Variants in SMC3 observed in about 807,000 individuals in gnomAD.
The protein encoded by SMC3 is structural maintenance of chromosomes protein 3.
In SMC3, 20 loss-of-function variants were observed where a neutral mutation model predicts 171.8. The ratio of observed to expected loss-of-function variants is 0.12; its 90% CI spans 0.08 to 0.17. The LOEUF is 0.17. Ranked by LOEUF, SMC3 falls within the 10% of genes least tolerant of loss-of-function variation. The pLI is 1.00. For missense variants in SMC3, 543 were observed against 1,420.4 expected, an observed-to-expected ratio of 0.38 and a Z score of 9.93; for synonymous variants, 464 against 451.1, an observed-to-expected ratio of 1.03 and a Z score of -0.36.
At chr10:110,585,782 T>TAGGGACAA (rs1861104265) in intron 13 of SMC3, among the ~76,000 whole-genome samples, 1 of 151,718 alleles carries the variant, frequency 6.6e-6, no homozygotes, top group African/African-American at 2.4e-5. Flanking sequence ...TTGTATATTA[T>TAGGGACAA]ATATAATTAT....
At chr10:110,591,644 A>C (rs1861206214) in intron 17 of SMC3, among the ~76,000 whole-genome samples, 1 of 152,200 alleles carries the variant, frequency 6.6e-6, no homozygotes, top group Admixed American at 6.5e-5. Flanking sequence ...AGTGCACTTT[A>C]GGTGGATTAA....
intron 2 of SMC3, among the ~76,000 whole-genome samples, chr10:110,569,983 ATTAG>A (rs1180332754): frequency 6.6e-6 from 1 of 152,264 alleles, no homozygotes; most frequent in Non-Finnish European, 1.5e-5. Context: ...TAAGTGGTGT[ATTAG>A]TTTGCTAAGG....
intron 2 of SMC3, among the ~76,000 whole-genome samples, chr10:110,573,461 G>T (rs991116922): frequency 2.0e-5 from 3 of 152,146 alleles, no homozygotes; most frequent in African/African-American, 7.2e-5. Context: ...AAACTATTGG[G>T]TAAGAGCAAA....
chr10:110,568,044 C>T (rs1860802293), intron 1 of SMC3, among the ~76,000 whole-genome samples: 1 of 152,192 alleles, frequency 6.6e-6, no homozygotes, highest in South Asian at 2.1e-4. Context: ...CAGCCCCGGC[C>T]TCCCTGCTGG....
At chr10:110,581,512 T>C (rs1378579172) in intron 8 of SMC3, among the ~76,000 whole-genome samples, 1 of 152,064 alleles carries the variant, frequency 6.6e-6, no homozygotes, top group Non-Finnish European at 1.5e-5. Flanking sequence ...CCACTGCGCC[T>C]GGCCGGCACA....
At chr10:110,580,186 C>T (rs1861011279) in intron 7 of SMC3, among the ~76,000 whole-genome samples, 2 of 151,992 alleles carry the variant, frequency 1.3e-5, no homozygotes. Flanking sequence ...TATGCAAATA[C>T]TATGCCATTT....
rs1861388569 is a variant in SMC3 at position 110,601,626 on chromosome 10, C to T, written c.2645-11C>T. ...GGTATTATAGCCTAATTTTGTTTCC[C>T]CCCATCTTAGATTTGGACAATTCCA... On this transcript the variant is annotated splice_polypyrimidine_tract_variant and intron_variant, in intron 23 of 28. Transcript: ENST00000361804. 1.2e-6 allele frequency: 2 copies of T among 1,609,760 alleles called. No individual in the cohort carries two copies. Among genetic ancestry groups the T allele is most frequent in the Middle Eastern group, 1.7e-4 (1 of 5,990 alleles).
intron 18 of SMC3, among the ~76,000 whole-genome samples, chr10:110,593,869 T>C (rs917671577): frequency 1.9e-4 from 28 of 151,278 alleles, no homozygotes; most frequent in Non-Finnish European, 4.4e-5. Flanking sequence ...ACACCTGTAA[T>C]CCCAACAACT....
In SMC3 at chr10:110,602,884, G is replaced by A; in HGVS notation, c.3357G>A (p.Gln1119=). 7 of 1,614,072 alleles carry A rather than the reference G, an allele frequency of 4.3e-6. No homozygotes were observed. Among genetic ancestry groups the A allele is most frequent in the Non-Finnish European group, 5.9e-6 (7 of 1,179,922 alleles). ...AAATGCAACAGCTTTCAGGTGGACA[G>A]AAATCCTTGGTAGCCCTTGCTCTGA... ...MREMQQLSGG[Q]KSLVALALIF... is the part of the protein sequence containing the mutation. The change falls in exon 27 of 29, where the codon CAG becomes CAA. Residue 1119 remains glutamine, a synonymous_variant. Transcript: ENST00000361804.
chr10:110,579,389 T>A (rs894522393), intron 7 of SMC3, among the ~76,000 whole-genome samples: 1 of 152,186 alleles, frequency 6.6e-6, no homozygotes, highest in African/African-American at 2.4e-5. Flanking sequence ...TTTAACTATT[T>A]GTGGGAGATA....
chr10:110,581,856 A>G (rs1480050094), intron 8 of SMC3, 67 bp from the exon 9 acceptor site: 4 of 1,255,894 alleles, frequency 3.2e-6, no homozygotes, highest in Non-Finnish European at 4.7e-6. Flanking sequence ...TTCAAGGTAT[A>G]TTTAAGAAGT....
chr10:110,599,466 GCCCCACC>G (rs1861354123), intron 20 of SMC3, among the ~76,000 whole-genome samples, 181 bp from the exon 21 acceptor site: 1 of 146,576 alleles, frequency 6.8e-6, no homozygotes, highest in South Asian at 2.2e-4. Context: ...GCCCCACCCT[GCCCCACC>G]TATACTATTA....
Position 110,578,669 on chromosome 10 carries a change from C to A in SMC3, c.392C>A (p.Ser131Tyr), listed in dbSNP as rs1163438093. Residue 131 changes from serine (S) to tyrosine (Y), a missense_variant, in exon 7 of 29, where the codon TCT (serine) becomes TAT (tyrosine). This residue lies in a region of SMC3 where 146 missense variants were observed against 437.9 expected (regional missense o/e 0.33). Coordinates refer to ENST00000361804, the MANE Select transcript of SMC3 (RefSeq NM_005445.4). ...VMNLLESAGF[S>Y]RSNPYYIVKQ... is the part of the protein sequence containing the mutation. ...AACCTCCTTGAAAGCGCTGGTTTTT[C>A]TCGAAGCAATCCTTATTATATTGTT... 6.2e-7 allele frequency: 1 copy of A among 1,610,718 alleles called. No individual in the cohort carries two copies. Among genetic ancestry groups the A allele is most frequent in the Non-Finnish European group, 8.5e-7 (1 of 1,177,982 alleles).
intron 18 of SMC3, among the ~76,000 whole-genome samples, chr10:110,595,069 G>T (rs555403744): frequency 2.0e-5 from 3 of 150,976 alleles, no homozygotes; most frequent in Admixed American, 2.0e-4. Flanking sequence ...TACAACCTCC[G>T]CCTCGCAGGT....
intron 2 of SMC3, among the ~76,000 whole-genome samples, chr10:110,570,880 G>T (rs930898206): frequency 6.6e-6 from 1 of 152,196 alleles, no homozygotes; most frequent in African/African-American, 2.4e-5. Context: ...CAGACACGTT[G>T]TAAGACATAA....
rs145702274 is a variant in SMC3 at position 110,602,626 on chromosome 10, T to C, written c.3258T>C (p.Ser1086=). 9.9e-6 allele frequency: 16 copies of C among 1,613,946 alleles called. No individual in the cohort carries two copies. The African/African-American group carries it at 2.0e-4, about 20-fold the overall frequency. Residue 1086 remains serine (S), a synonymous_variant, in exon 26 of 29, where the codon AGT becomes AGC. Coordinates refer to ENST00000361804, the MANE Select transcript of SMC3 (RefSeq NM_005445.4). The part of the protein sequence containing the change: ...ESERGSGSQS[S]VPSVDQFTGV... Reference sequence around the variant, plus strand: ...AGAGGGGTTCTGGCTCACAAAGCAGTGTCCCATCAGTTGACCAGTTTACTG... The same window carrying C: ...AGAGGGGTTCTGGCTCACAAAGCAGCGTCCCATCAGTTGACCAGTTTACTG...
chr10:110,602,281 A>C, intron 25 of SMC3, 103 bp downstream of exon 25: 3 of 1,106,662 alleles, frequency 2.7e-6, no homozygotes, highest in Non-Finnish European at 4.1e-6. Flanking sequence ...TTACCAGGTG[A>C]ATCTAATACA....
intron 7 of SMC3, among the ~76,000 whole-genome samples, chr10:110,580,650 CATGACATTCAAAGGAA>C (rs1429139543): frequency 1.3e-5 from 2 of 152,150 alleles, no homozygotes; most frequent in Non-Finnish European, 2.9e-5. Flanking sequence ...CGAGTGTGGA[CATGACATTCAAAGGAA>C]ATGCTTGTTG....
intron 13 of SMC3, among the ~76,000 whole-genome samples, chr10:110,586,575 C>A (rs1473705580): frequency 6.6e-6 from 1 of 152,140 alleles, no homozygotes; most frequent in Non-Finnish European, 1.5e-5. Context: ...GTATTCCAGC[C>A]ACACTTTTGG....
Sources: gnomAD v4.1 joint callset for allele counts (sites outside exome capture counted in the v4.1 genomes callset) on GRCh38, gnomAD v4.1.1 for gene constraint, gnomAD v4.1.1 regional missense constraint, MANE v1.5 for transcripts, NCBI Gene and HGNC (gene_info 2026-07-23, HGNC 2026-07-21) for gene names.